NLGN1: variants seen among roughly 807,000 people sequenced by gnomAD.
The protein encoded by NLGN1 is neuroligin-1.
Under a neutral mutation model 65.5 loss-of-function variants are expected in NLGN1, and 12 were observed. The observed-to-expected ratio is 0.18, with a 90% CI of 0.12 to 0.30. NLGN1 has a LOEUF of 0.30. Among genes scored for constraint, NLGN1 ranks in the 10% least tolerant of loss-of-function variants. The pLI, the probability that NLGN1 is intolerant of heterozygous loss-of-function variation, is 1.00. For synonymous variants in NLGN1, 350 were observed against 359.5 expected, an observed-to-expected ratio of 0.97 and a Z score of 0.30; for missense variants, 750 against 1,007.1, an observed-to-expected ratio of 0.74 and a Z score of 3.46.
intron 4 of NLGN1, among the ~76,000 whole-genome samples, chr3:174,090,325 T>A (rs1744266492): frequency 6.6e-6 from 1 of 151,588 alleles, no homozygotes; most frequent in African/African-American, 2.4e-5. Context: ...ACAAAAAAAA[T>A]AGCCTGGCGT....
At chr3:173,931,970 G>C (rs1560661637) in intron 4 of NLGN1, among the ~76,000 whole-genome samples, 1 of 152,046 alleles carries the variant, frequency 6.6e-6, no homozygotes, top group Non-Finnish European at 1.5e-5. Flanking sequence ...GCAGAATTAA[G>C]ATGACTTTAA....
At chr3:173,842,739 C>T (rs191075350) in intron 4 of NLGN1, among the ~76,000 whole-genome samples, 451 of 152,322 alleles carry the variant, frequency 3.0e-3, no homozygotes, top group African/African-American at 0.01. Flanking sequence ...AGGGTACAGC[C>T]TGCCTTCCAG....
In NLGN1 at chr3:174,262,107, T is replaced by G. The variant is rs896205402; in HGVS notation, c.647-13208T>G. Among the ~76,000 whole-genome samples the G allele has an allele frequency of 1.6e-4, 15 of 95,880 alleles. 1 individual carries two copies. The highest frequency in any genetic ancestry group is 9.0e-4 in the Admixed American group (9 of 9,962). The allele number at this position is 95,880 out of a possible 152,430, so 62.9% of individuals were successfully genotyped here. On this transcript the variant is annotated intron_variant, in intron 4 of 6. Coordinates refer to ENST00000457714, the Ensembl canonical transcript of NLGN1. ...TTGCCAGTATTTTATTGAGGATTTTTGCATCAATGTTCATCAAGGATATTG... is the reference window on the plus strand; with the variant it reads ...TTGCCAGTATTTTATTGAGGATTTTGGCATCAATGTTCATCAAGGATATTG...
intron 4 of NLGN1, among the ~76,000 whole-genome samples, chr3:174,257,762 A>G (rs1746067714): frequency 6.6e-6 from 1 of 151,362 alleles, no homozygotes; most frequent in Non-Finnish European, 1.5e-5. Context: ...GTTTCCTGTA[A>G]TTACTAGAAT....
chr3:173,646,054 C>A (rs1415237209), intron 3 of NLGN1, among the ~76,000 whole-genome samples: 2 of 152,146 alleles, frequency 1.3e-5, no homozygotes, highest in Admixed American at 1.3e-4. Context: ...TGGCTCTGCC[C>A]CCTATTCCCT....
At chr3:174,097,446 G>C (rs1745746258) in intron 4 of NLGN1, among the ~76,000 whole-genome samples, 1 of 152,068 alleles carries the variant, frequency 6.6e-6, no homozygotes, top group Non-Finnish European at 1.5e-5. Flanking sequence ...GCCCAAAAGG[G>C]AACCTTTAAA....
intron 4 of NLGN1, among the ~76,000 whole-genome samples, chr3:174,064,715 C>A (rs972215381): frequency 1.3e-5 from 2 of 150,668 alleles, no homozygotes; most frequent in Admixed American, 6.7e-5. Context: ...AGTCTTTCAA[C>A]TTCTCAATAG....
At chr3:173,818,731 T>G (rs2150517237) in intron 4 of NLGN1, among the ~76,000 whole-genome samples, 1 of 152,174 alleles carries the variant, frequency 6.6e-6, no homozygotes, top group Admixed American at 6.5e-5. Flanking sequence ...TGCCTATAAC[T>G]CTGAGAAAAG....
At chr3:174,029,607 A>C (rs1729524893) in intron 4 of NLGN1, among the ~76,000 whole-genome samples, 1 of 152,046 alleles carries the variant, frequency 6.6e-6, no homozygotes, top group African/African-American at 2.4e-5. Flanking sequence ...CTTGGTTTTG[A>C]AATGTGAGGA....
At chr3:174,235,259 C>T (rs567839813) in intron 4 of NLGN1, among the ~76,000 whole-genome samples, 1 of 152,104 alleles carries the variant, frequency 6.6e-6, no homozygotes, top group African/African-American at 2.4e-5. Flanking sequence ...TACCTCCTTA[C>T]CCCTCCTTCA....
At chr3:174,292,185 T>C in the NLGN1 span, among the ~76,000 whole-genome samples, 1 of 151,222 alleles carries the variant, frequency 6.6e-6, no homozygotes, top group Non-Finnish European at 1.5e-5. Flanking sequence ...ACTATCAGAA[T>C]GAACACTTTA....
chr3:174,163,846 G>C (rs989604948), intron 4 of NLGN1, among the ~76,000 whole-genome samples: 2 of 152,040 alleles, frequency 1.3e-5, no homozygotes, highest in Admixed American at 6.6e-5. Flanking sequence ...ATGGGCACCT[G>C]AAACTGATTC....
exon 5 of NLGN1, chr3:174,275,327 C>T (rs1750344486): frequency 6.2e-7 from 1 of 1,611,454 alleles, no homozygotes; most frequent in Non-Finnish European, 8.5e-7. Flanking sequence ...TTCTTGAGTA[C>T]AGGCGATCAG....
At chr3:173,465,426 C>A (rs1353060286) in intron 2 of NLGN1, among the ~76,000 whole-genome samples, 3 of 152,090 alleles carry the variant, frequency 2.0e-5, no homozygotes, top group African/African-American at 4.8e-5. Flanking sequence ...CAGCAAGGGG[C>A]AGAAACATCA....
At chr3:173,662,523 A>G (rs1206565914) in intron 3 of NLGN1, among the ~76,000 whole-genome samples, 4 of 152,008 alleles carry the variant, frequency 2.6e-5, no homozygotes, top group Non-Finnish European at 5.9e-5. Context: ...TAATTTATCC[A>G]TTTGAAGTAT....
intron 3 of NLGN1, among the ~76,000 whole-genome samples, chr3:173,730,493 T>G (rs1176480030): frequency 6.6e-6 from 1 of 151,978 alleles, no homozygotes; most frequent in African/African-American, 2.4e-5. Flanking sequence ...GAAAATGAGA[T>G]TTTTACACCT....
intron 3 of NLGN1, among the ~76,000 whole-genome samples, chr3:173,628,008 G>C (rs1015792422): frequency 1.3e-5 from 2 of 152,186 alleles, no homozygotes; most frequent in Non-Finnish European, 2.9e-5. Context: ...TCTTTTGTGT[G>C]AATGTTTGGT....
intron 3 of NLGN1, among the ~76,000 whole-genome samples, chr3:173,635,791 A>G (rs1756477058): frequency 6.6e-6 from 1 of 152,146 alleles, no homozygotes; most frequent in Non-Finnish European, 1.5e-5. Context: ...TGATTAGGAA[A>G]TATGTCTATG....
intron 2 of NLGN1, among the ~76,000 whole-genome samples, chr3:173,477,312 G>A (rs1020435816): frequency 3.9e-5 from 6 of 152,056 alleles, no homozygotes; most frequent in African/African-American, 9.7e-5. Flanking sequence ...AGGTTGAGGC[G>A]GGAGGATCCC....
Sources: allele counts gnomAD v4.1 joint callset (sites outside exome capture counted in the v4.1 genomes callset), GRCh38; gene constraint gnomAD v4.1.1; transcripts MANE v1.5; gene names NCBI Gene and HGNC (gene_info 2026-07-23, HGNC 2026-07-21).